The following LPIN3 variants were observed in gnomAD, a reference collection of about 807,000 sequenced individuals.
The protein encoded by LPIN3 is phosphatidate phosphatase LPIN3.
LPIN3 carries 82 observed loss-of-function variants against 94.7 expected under a neutral mutation model. The ratio of observed to expected loss-of-function variants is 0.87; its 90% CI spans 0.72 to 1.04. The LOEUF (loss-of-function observed/expected upper bound fraction) is 1.04. LPIN3 is among the 50% of genes least tolerant of loss of function. LPIN3 has a pLI of 0.00. For missense variants in LPIN3, 996 were observed against 1,090.5 expected (o/e 0.91, Z 1.22); for synonymous variants, 418 against 443.3 (o/e 0.94, Z 0.72).
In LPIN3 at chr20:41,351,921, G is replaced by A; in HGVS notation, c.1202+1G>A. On this transcript the variant is annotated splice_donor_variant, in intron 8 of 19. Coordinates refer to ENST00000373257, the MANE Select transcript of LPIN3 (RefSeq NM_022896.3). LOFTEE classifies it high-confidence loss of function. ...ATGCAGCGCTTTACTTCCCCCAAAG[G>A]TGCCTGGGTTCTGGATGCCAGGGTG... is the stretch of plus-strand genomic sequence containing the variant. 1.2e-6 allele frequency: 2 copies of A among 1,614,208 alleles called. No homozygotes were observed. The highest frequency in any genetic ancestry group is 8.5e-7 in the Non-Finnish European group (1 of 1,180,034).
chr20:41,359,080 T>C lies in LPIN3; in HGVS notation c.*214T>C, dbSNP rs536607820. 4 of 405,036 alleles carry C rather than the reference T, an allele frequency of 9.9e-6. No homozygotes were observed. The South Asian group carries it at 1.9e-4, about 19-fold the overall frequency. The allele number at this position is 405,036 out of a possible 1,614,324, so 25.1% of individuals were successfully genotyped here. ...GCTGCTCCAGGCGTCAGTGTGGCACTGTCCTGGGGCAATTAGCTTGTCATC... is the reference window on the plus strand; with the variant it reads ...GCTGCTCCAGGCGTCAGTGTGGCACCGTCCTGGGGCAATTAGCTTGTCATC... On this transcript the variant is annotated 3_prime_UTR_variant, in exon 20 of 20. Transcript: ENST00000373257.
chr20:41,354,832 AAGG>A lies in LPIN3; in HGVS notation c.1636_1638del (p.Glu546del), dbSNP rs766923258. The A allele has an allele frequency of 2.7e-5, 43 of 1,593,138 alleles. No individual in the cohort carries two copies. The South Asian group carries it at 4.5e-4, about 17-fold the overall frequency. On this transcript the variant is annotated inframe_deletion, in exon 13 of 20. Transcript: ENST00000373257. ...GTTCTTTCCACAGCGCAGTGCCCAG[AAGG>A]AGAAGACTGCAGCCAAGGAGCAGCA...
chr20:41,353,275 G>T (rs890405657), intron 11 of LPIN3, among the ~76,000 whole-genome samples: 6 of 152,344 alleles, frequency 3.9e-5, no homozygotes, highest in Middle Eastern at 3.4e-3. Context: ...CTCCAGGCTG[G>T]GCTGAAGGGT....
chr20:41,344,458 A>C (rs1334220144), intron 1 of LPIN3, among the ~76,000 whole-genome samples: 7 of 152,204 alleles, frequency 4.6e-5, no homozygotes, highest in Admixed American at 4.6e-4. Flanking sequence ...GTGGTCTTGC[A>C]TGGCAGGCTG....
intron 5 of LPIN3, 137 bp downstream of exon 5, chr20:41,349,309 G>A (rs2045911786): frequency 1.4e-6 from 1 of 712,324 alleles, no homozygotes; most frequent in Non-Finnish European, 2.3e-6. Context: ...TTTGTAAAGA[G>A]TTCAAGTCTT....
At chr20:41,351,759 A>T (rs781710149) in intron 7 of LPIN3, 62 bp from the exon 8 acceptor site, 61 of 1,470,656 alleles carry the variant, frequency 4.1e-5, no homozygotes, top group Middle Eastern at 1.7e-4. Flanking sequence ...GTCAGAGGGC[A>T]CTTACTGTCC....
rs2046041187 is a variant in LPIN3 at position 41,352,147 on chromosome 20, C to T, written c.1290C>T (p.Pro430=). The T allele has an allele frequency of 2.5e-6, 4 of 1,614,248 alleles. No homozygotes were observed. In the East Asian group the frequency reaches 6.7e-5, roughly 27 times the overall value. ...CCAACCCTGAACATGAACCTGAACC[C>T]ACTCTGGACACAGTGGATACAATAG... ...RDPNPEHEPE[P]TLDTVDTIAL... is the part of the protein sequence containing the mutation. The change falls in exon 9 of 20, where the codon CCC becomes CCT. Residue 430 remains proline (P), a synonymous_variant. Transcript: ENST00000373257.
At position 41,345,882 on chromosome 20, in the gene LPIN3, C is replaced by T. The variant is rs1376400570; in HGVS notation, c.79C>T (p.Leu27=). Reference sequence around the variant, plus strand: ...GTACCGGGGCCTGAACCCAGCCACACTGAGCGGCGGCATTGACGTGCTGGT... The same window carrying T: ...GTACCGGGGCCTGAACCCAGCCACATTGAGCGGCGGCATTGACGTGCTGGT... The part of the protein sequence containing the change: ...ELYRGLNPAT[L]SGGIDVLVVK... Residue 27 remains leucine (L), a synonymous_variant, in exon 2 of 20, where the codon CTG becomes TTG. Coordinates refer to ENST00000373257, the MANE Select transcript of LPIN3 (RefSeq NM_022896.3). The T allele has an allele frequency of 6.2e-7, 1 of 1,614,114 alleles. No homozygotes were observed. The highest frequency in any genetic ancestry group is 8.5e-7 in the Non-Finnish European group (1 of 1,180,054).
chr20:41,345,734 A>C, intron 1 of LPIN3, 62 bp from the exon 2 acceptor site: 1 of 1,519,046 alleles, frequency 6.6e-7, no homozygotes, highest in Non-Finnish European at 9.0e-7. Flanking sequence ...GTCAGGCTGC[A>C]GGAGCTTCTT....
rs1194350735 is a variant in LPIN3, at chr20:41,356,924, T to C, written c.1804-116T>C. 4.9e-6 allele frequency: 6 copies of C among 1,218,840 alleles called. No individual in the cohort carries two copies. In the South Asian group the frequency reaches 5.6e-5, roughly 11 times the overall value. The allele number at this position is 1,218,840 out of a possible 1,614,324, so 75.5% of individuals were successfully genotyped here. A position where few individuals can be genotyped will look rare whatever the true frequency, so the allele number is the denominator to read the frequency against. On this transcript the variant is annotated intron_variant, in intron 14 of 19. Coordinates refer to ENST00000373257, the MANE Select transcript of LPIN3 (RefSeq NM_022896.3). ...ATGAATCCAAGAAGCATCTCTGAGC[T>C]GGGAGGAAGAGGAGAATGAGAGGCC... is the stretch of plus-strand genomic sequence containing the variant.
At position 41,352,206 on chromosome 20, in the gene LPIN3, G is replaced by A. The variant is rs759371988; in HGVS notation, c.1349G>A (p.Arg450Gln). 30 of 1,614,044 alleles carry A rather than the reference G, an allele frequency of 1.9e-5. No individual in the cohort carries two copies. The highest frequency in any genetic ancestry group is 5.0e-5 in the Admixed American group (3 of 60,008). The change falls in exon 9 of 20, where the codon CGG becomes CAG. Residue 450 changes from arginine (R) to glutamine (Q), a missense_variant. Physicochemically the swap from Arg to Gln is conservative, Grantham distance 43. Transcript: ENST00000373257. ...CTCTGTGGTGGACTGGCTGACAGCC[G>A]GGACATCTCCCTAGGTATGTTCGAC... Reference protein sequence around the residue: ...LSLCGGLADSRDISLEKFNQH... With the variant: ...LSLCGGLADSQDISLEKFNQH...
chr20:41,352,836 C>G lies in LPIN3; in HGVS notation c.1496C>G (p.Ser499Cys). ...NWAVAAPMIL[S>C]LQAFQKNLPK... ...GCTGTGGCTGCCCCCATGATCCTCTCCCTGCAAGCCTTCCAGAAAAACTTG... is the reference window on the plus strand; with the variant it reads ...GCTGTGGCTGCCCCCATGATCCTCTGCCTGCAAGCCTTCCAGAAAAACTTG... Residue 499 changes from serine (S) to cysteine (C), a missense_variant, in exon 11 of 20, where the codon TCC becomes TGC. Ser to Cys is a moderately radical substitution (Grantham distance 112). Transcript: ENST00000373257. 3.7e-6 allele frequency: 6 copies of G among 1,614,230 alleles called. No individual in the cohort carries two copies. Among genetic ancestry groups the G allele is most frequent in the Non-Finnish European group, 5.1e-6 (6 of 1,180,050 alleles).
rs1028724299 is a variant in LPIN3, at chr20:41,359,237, G to A, written c.*371G>A. The A allele has an allele frequency of 6.5e-6, 1 of 153,730 alleles. No individual in the cohort carries two copies. Among genetic ancestry groups the A allele is most frequent in the Non-Finnish European group, 1.4e-5 (1 of 71,886 alleles). 9.5% of individuals were successfully genotyped at this position (153,730 alleles called of 1,614,324 possible). ...TGCAACCTCCGCCTCCCGGGTTCAA[G>A]CGATTCACCTGCCTCAGCCTCCCAA... On this transcript the variant is annotated 3_prime_UTR_variant, in exon 20 of 20. Transcript: ENST00000373257.
intron 14 of LPIN3, among the ~76,000 whole-genome samples, 174 bp from the exon 15 acceptor site, chr20:41,356,866 C>G (rs1223513026): frequency 6.6e-6 from 1 of 152,160 alleles, no homozygotes; most frequent in Admixed American, 6.5e-5. Flanking sequence ...CACCCTCTGC[C>G]CACATGGATG....
At position 41,347,616 on chromosome 20, in the gene LPIN3, C is replaced by T. The variant is rs2045830532; in HGVS notation, c.257C>T (p.Ala86Val). Residue 86 changes from alanine (A) to valine (V), a missense_variant, in exon 3 of 20, where the codon GCC becomes GTC. Ala to Val is a moderately conservative substitution (Grantham distance 64, BLOSUM62 0). Coordinates refer to ENST00000373257, the MANE Select transcript of LPIN3 (RefSeq NM_022896.3). ...ATGAAGCTTGGGGACAGCGGGGAGG[C>T]CTTCTTTGTTCAGGAGCTGGAGAGC... ...LHMKLGDSGE[A>V]FFVQELESDD... is the part of the protein sequence containing the mutation. 3 of 1,614,038 alleles carry T rather than the reference C, an allele frequency of 1.9e-6. No individual in the cohort carries two copies. In the East Asian group the frequency reaches 6.7e-5, roughly 36 times the overall value.
chr20:41,351,541 C>T (rs1221923306), intron 7 of LPIN3, among the ~76,000 whole-genome samples: 2 of 152,040 alleles, frequency 1.3e-5, no homozygotes, highest in African/African-American at 2.4e-5. Context: ...GTGATCCACC[C>T]GCCTCAGCCT....
chr20:41,353,510 C>T (rs938433727), intron 11 of LPIN3, among the ~76,000 whole-genome samples: 2 of 152,110 alleles, frequency 1.3e-5, no homozygotes, highest in Non-Finnish European at 2.9e-5. Flanking sequence ...AGCAAGTGCC[C>T]GCTGTGCAGA....
Position 41,352,773 on chromosome 20 carries a change from T to G in LPIN3, c.1458-25T>G, listed in dbSNP as rs553677419. 8 of 1,613,834 alleles carry G rather than the reference T, an allele frequency of 5.0e-6. No individual in the cohort carries two copies. The African/African-American group carries it at 9.3e-5, about 19-fold the overall frequency. Reference sequence around the variant, plus strand: ...TTCACAACCCTGCAGCTGCTGCAGCTTGATGCCCTGTTCTGTCTCTCTAGG... The same window carrying G: ...TTCACAACCCTGCAGCTGCTGCAGCGTGATGCCCTGTTCTGTCTCTCTAGG... On this transcript the variant is annotated intron_variant, in intron 10 of 19. Transcript: ENST00000373257.
At position 41,358,791 on chromosome 20, in the gene LPIN3, G is replaced by A. The variant is rs373956793; in HGVS notation, c.2481G>A (p.Leu827=). The change falls in exon 20 of 20, where the codon CTG becomes CTA. Residue 827 remains leucine, a synonymous_variant. Transcript: ENST00000373257. ...TGGCCCGTGGCCCCAGCACAGACCT[G>A]GCCAACCCTGAATACAGTAACTTCT... is the stretch of plus-strand genomic sequence containing the variant. ...PPVARGPSTD[L]ANPEYSNFCY... 1 of 1,613,968 alleles carries A rather than the reference G, an allele frequency of 6.2e-7. No individual in the cohort carries two copies. The highest frequency in any genetic ancestry group is 8.5e-7 in the Non-Finnish European group (1 of 1,180,034).
Sources: allele counts gnomAD v4.1 joint callset (sites outside exome capture counted in the v4.1 genomes callset), GRCh38; gene constraint gnomAD v4.1.1; transcripts MANE v1.5; gene names NCBI Gene and HGNC (gene_info 2026-07-23, HGNC 2026-07-21).